The following NFATC3 variants were observed in gnomAD, a reference collection of about 807,000 sequenced individuals.
NFATC3 encodes the protein nuclear factor of activated T-cells, cytoplasmic 3.
A neutral mutation model predicts 98.6 loss-of-function variants in NFATC3; 46 were observed. The observed-to-expected ratio is 0.47, with a 90% CI of 0.37 to 0.60. The LOEUF (loss-of-function observed/expected upper bound fraction) is 0.60. Among genes scored for constraint, NFATC3 ranks in the 20% least tolerant of loss-of-function variants. The probability of loss-of-function intolerance (pLI) is 0.00; values close to 1 mark genes in which losing one functional copy is unlikely to be tolerated. For missense variants in NFATC3, 1,256 were observed against 1,295.5 expected (o/e 0.97, Z 0.47); for synonymous variants, 512 against 472.2 (o/e 1.08, Z -1.09).
At chr16:68,144,783 G>A (rs957847037) in intron 3 of NFATC3, among the ~76,000 whole-genome samples, 1 of 151,852 alleles carries the variant, frequency 6.6e-6, no homozygotes, top group African/African-American at 2.4e-5. Flanking sequence ...TCAGTCTTAC[G>A]AGTAGCTGGG....
rs2040416101 is a variant in NFATC3 at position 68,191,648 on chromosome 16, A to G, written c.2979A>G (p.Ile993Met). ...QGGLSAPSSL[I>M]CHSLCDPASF... ...GTCTTTCTGCACCTTCATCCTTAAT[A>G]TGTCACAGTTTGTGTGATCCAGCGT... is the stretch of plus-strand genomic sequence containing the variant. The change falls in exon 9 of 10, where the codon ATA becomes ATG. Residue 993 changes from isoleucine (I) to methionine (M), a missense_variant. Around this residue, in one of 3 missense-constraint regions of NFATC3, gnomAD observed 636 missense variants for 617.3 expected, o/e 1.03. Coordinates refer to ENST00000346183, the MANE Select transcript of NFATC3 (RefSeq NM_173165.3). 6.2e-7 allele frequency: 1 copy of G among 1,614,122 alleles called. No individual in the cohort carries two copies. The highest frequency in any genetic ancestry group is 8.5e-7 in the Non-Finnish European group (1 of 1,180,028).
chr16:68,213,729 T>G (rs749140359), intron 9 of NFATC3, among the ~76,000 whole-genome samples: 7 of 152,064 alleles, frequency 4.6e-5, no homozygotes, highest in Non-Finnish European at 8.8e-5. Flanking sequence ...CTAGGGAGGC[T>G]GAGGCAGGAG....
chr16:68,105,881 C>A (rs966192862), intron 1 of NFATC3, among the ~76,000 whole-genome samples: 13 of 150,690 alleles, frequency 8.6e-5, no homozygotes, highest in Non-Finnish European at 3.0e-5. Flanking sequence ...TCATAGTATT[C>A]TTCTTCTTTT....
Position 68,133,059 on chromosome 16 carries a change from A to G in NFATC3, c.1401+6449A>G, listed in dbSNP as rs532986449. Among the ~76,000 whole-genome samples the G allele has an allele frequency of 9.9e-5, 15 of 152,280 alleles. No individual in the cohort carries two copies. In the South Asian group the frequency reaches 3.1e-3, roughly 32 times the overall value. On this transcript the variant is annotated intron_variant, in intron 3 of 9. Coordinates refer to ENST00000346183, the MANE Select transcript of NFATC3 (RefSeq NM_173165.3). Reference sequence around the variant, plus strand: ...GGCAGGTAGATCACTTGAGGTCAGGAGTTCGAGAACAGCCTGGCCAACATG... The same window carrying G: ...GGCAGGTAGATCACTTGAGGTCAGGGGTTCGAGAACAGCCTGGCCAACATG...
chr16:68,190,706 G>T (rs1462982528), intron 8 of NFATC3, 62 bp from the exon 9 acceptor site: 31 of 1,494,258 alleles, frequency 2.1e-5, no homozygotes, highest in Non-Finnish European at 2.7e-5. Flanking sequence ...CTAGCATGAA[G>T]GCCTGTCATG....
intron 2 of NFATC3, 37 bp downstream of exon 2, chr16:68,123,158 G>T (rs2036637284): frequency 6.4e-7 from 1 of 1,557,984 alleles, no homozygotes; most frequent in African/African-American, 1.4e-5. Flanking sequence ...CATTTTTCAT[G>T]TTTATGGGTC....
intron 6 of NFATC3, 49 bp from the exon 7 acceptor site, chr16:68,181,426 T>C: frequency 7.2e-7 from 1 of 1,392,368 alleles, no homozygotes; most frequent in African/African-American, 1.4e-5. Context: ...TTTGTCTGTA[T>C]GCTTTCTGAT....
At chr16:68,142,663 C>T (rs1178842217) in intron 3 of NFATC3, among the ~76,000 whole-genome samples, 3 of 151,792 alleles carry the variant, frequency 2.0e-5, no homozygotes, top group Non-Finnish European at 4.4e-5. Context: ...GAGGCTGAGG[C>T]ATGAGACTCA....
intron 6 of NFATC3, among the ~76,000 whole-genome samples, chr16:68,180,711 G>T (rs887127167): frequency 1.3e-5 from 2 of 152,050 alleles, no homozygotes; most frequent in African/African-American, 4.8e-5. Context: ...TCTCAAGTGT[G>T]TTCTCATTGT....
chr16:68,121,829 A>G (rs2036597597), intron 1 of NFATC3, among the ~76,000 whole-genome samples, 158 bp from the exon 2 acceptor site: 1 of 152,062 alleles, frequency 6.6e-6, no homozygotes, highest in African/African-American at 2.4e-5. Context: ...AAACACACAC[A>G]TGCCACTTCT....
At chr16:68,206,288 C>A (rs1188629304) in intron 9 of NFATC3, among the ~76,000 whole-genome samples, 1 of 152,150 alleles carries the variant, frequency 6.6e-6, no homozygotes, top group Non-Finnish European at 1.5e-5. Context: ...AAGTGTATAG[C>A]TAAGTGGCAT....
intron 5 of NFATC3, 152 bp downstream of exon 5, chr16:68,167,167 G>T: frequency 3.9e-6 from 3 of 763,746 alleles, no homozygotes; most frequent in Non-Finnish European, 4.2e-6. Context: ...GAGCTAACAT[G>T]TTTGGGTGGA....
chr16:68,110,634 T>A (rs1350448170), intron 1 of NFATC3, among the ~76,000 whole-genome samples: 1 of 152,050 alleles, frequency 6.6e-6, no homozygotes, highest in Non-Finnish European at 1.5e-5. Context: ...TTTTAAGGGT[T>A]TTTTTGTGTC....
intron 1 of NFATC3, among the ~76,000 whole-genome samples, chr16:68,092,766 A>G (rs974838800): frequency 3.3e-5 from 5 of 152,150 alleles, no homozygotes; most frequent in Non-Finnish European, 7.4e-5. Flanking sequence ...AGTTGTTCTT[A>G]TTATTCAAAC....
chr16:68,215,018 G>C (rs1397759642), intron 9 of NFATC3, among the ~76,000 whole-genome samples: 1 of 152,022 alleles, frequency 6.6e-6, no homozygotes, highest in Non-Finnish European at 1.5e-5. Flanking sequence ...CTGTCATGTT[G>C]GCTCCTTTCT....
At chr16:68,112,006 C>T (rs776751034) in intron 1 of NFATC3, among the ~76,000 whole-genome samples, 2 of 152,106 alleles carry the variant, frequency 1.3e-5, no homozygotes, top group Non-Finnish European at 2.9e-5. Context: ...GTTTGATGGG[C>T]TTACCTTTGT....
chr16:68,151,672 C>T (rs566238886), intron 3 of NFATC3, among the ~76,000 whole-genome samples: 15 of 152,240 alleles, frequency 9.9e-5, no homozygotes, highest in Middle Eastern at 6.8e-3. Context: ...TAGTGCACCC[C>T]ACTTATCATG....
At chr16:68,116,641 C>T (rs563682518) in intron 1 of NFATC3, among the ~76,000 whole-genome samples, 2 of 152,322 alleles carry the variant, frequency 1.3e-5, no homozygotes, top group African/African-American at 4.8e-5. Context: ...GTGCAGGTCT[C>T]TGCAGCACTT....
At chr16:68,121,115 A>G (rs554271057) in intron 1 of NFATC3, among the ~76,000 whole-genome samples, 11 of 151,506 alleles carry the variant, frequency 7.3e-5, no homozygotes, top group Middle Eastern at 7.0e-3. Context: ...CCAAAATCCC[A>G]AGCACTTCTG....
Sources: gnomAD v4.1 joint callset for allele counts (sites outside exome capture counted in the v4.1 genomes callset) on GRCh38, gnomAD v4.1.1 for gene constraint, gnomAD v4.1.1 regional missense constraint, MANE v1.5 for transcripts, NCBI Gene and HGNC (gene_info 2026-07-23, HGNC 2026-07-21) for gene names.